LRCH4: variants seen among roughly 807,000 people sequenced by gnomAD.
LRCH4 encodes leucine-rich repeat and calponin homology domain-containing protein 4.
Under a neutral mutation model 81.2 loss-of-function variants are expected in LRCH4, and 56 were observed. The ratio of observed to expected loss-of-function variants is 0.69; its 90% CI spans 0.56 to 0.86. LRCH4 has a LOEUF of 0.86. Ranked by LOEUF, LRCH4 falls within the 40% of genes least tolerant of loss-of-function variation. LRCH4 has a pLI of 0.00. For missense variants in LRCH4, 895 were observed against 922.8 expected (o/e 0.97, Z 0.39); for synonymous variants, 442 against 409.7 (o/e 1.08, Z -0.95).
chr7:100,577,445 GT>G lies in LRCH4; in HGVS notation c.1178+51del. 1 of 1,602,196 alleles carries G rather than the reference GT, an allele frequency of 6.2e-7. No individual in the cohort carries two copies. Among genetic ancestry groups the G allele is most frequent in the Non-Finnish European group, 8.5e-7 (1 of 1,179,744 alleles). On this transcript the variant is annotated intron_variant, in intron 10 of 17. Coordinates refer to ENST00000310300, the MANE Select transcript of LRCH4 (RefSeq NM_002319.5). This position sits in a 1 kb window ranked among gnomAD's most constrained non-coding sequence, Gnocchi z 6.7. ...GACCCCGGGGTCAGGGAAGGAGGCGGTTGGGGGGTGGGAGGATCGGGCAGTG... is the reference window on the plus strand; with the variant it reads ...GACCCCGGGGTCAGGGAAGGAGGCGGTGGGGGGTGGGAGGATCGGGCAGTG...
intron 14 of LRCH4, 167 bp downstream of exon 14, chr7:100,576,527 G>A (rs1055066868): frequency 5.9e-5 from 41 of 697,218 alleles, no homozygotes; most frequent in Non-Finnish European, 8.0e-5. Context: ...GCCTCCTAAA[G>A]TGCTGCGATT....
rs1205863410 is a variant in LRCH4 at position 100,582,906 on chromosome 7, C to T, written c.221-447G>A. Reference sequence around the variant, plus strand: ...CCCCTGGGGCAAACCACAGGGAGTGCCCATCCCTCCTCGGGGCCCTTCTTC... The same window carrying T: ...CCCCTGGGGCAAACCACAGGGAGTGTCCATCCCTCCTCGGGGCCCTTCTTC... On this transcript the variant is annotated intron_variant, in intron 1 of 17. Coordinates refer to ENST00000310300, the MANE Select transcript of LRCH4 (RefSeq NM_002319.5). The surrounding 1 kb of genome is among the most constrained non-coding windows in gnomAD (Gnocchi z 5.0). Among the ~76,000 whole-genome samples the T allele has an allele frequency of 6.6e-6, 1 of 152,150 alleles. No individual in the cohort carries two copies. Among genetic ancestry groups the T allele is most frequent in the African/African-American group, 2.4e-5 (1 of 41,434 alleles).
chr7:100,583,940 G>C lies in LRCH4; in HGVS notation c.221-1481C>G, dbSNP rs982846048. The C allele has an allele frequency of 2.4e-5, 8 of 327,388 alleles. No homozygotes were observed. The Admixed American group carries it at 3.1e-4, about 13-fold the overall frequency. The allele number at this position is 327,388 out of a possible 1,614,324, so 20.3% of individuals were successfully genotyped here. A position where few individuals can be genotyped will look rare whatever the true frequency, so the allele number is the denominator to read the frequency against. Reference sequence around the variant, plus strand: ...GAGCTCAGGCAGGAGGCAGGGCACTGGGGGCACAGGATGTGGTCTGGGAGA... The same window carrying C: ...GAGCTCAGGCAGGAGGCAGGGCACTCGGGGCACAGGATGTGGTCTGGGAGA... On this transcript the variant is annotated intron_variant, in intron 1 of 17. Transcript: ENST00000310300. The surrounding 1 kb of genome is among the most constrained non-coding windows in gnomAD (Gnocchi z 4.3).
chr7:100,576,704 C>G lies in LRCH4; in HGVS notation c.1542G>C (p.Gln514His), dbSNP rs1402880838. The change falls in exon 14 of 18, where the codon CAG becomes CAC. Residue 514 changes from glutamine to histidine, a missense_variant. Around this residue, in one of 3 missense-constraint regions of LRCH4, gnomAD observed 529 missense variants for 504.9 expected, o/e 1.05. Coordinates refer to ENST00000310300, the MANE Select transcript of LRCH4 (RefSeq NM_002319.5). ...GGGCAGGACACCCACCTGAGCCACT[C>G]TGAGAGGAGGAACGGAAGAGGAAGC... ...PNSFLFRSSSQSGSGPSSPDS... is the reference protein window; with the variant it reads ...PNSFLFRSSSHSGSGPSSPDS... The G allele has an allele frequency of 1.3e-6, 2 of 1,591,306 alleles. No homozygotes were observed. Among genetic ancestry groups the G allele is most frequent in the Non-Finnish European group, 1.7e-6 (2 of 1,168,776 alleles).
chr7:100,581,923 GC>G, intron 3 of LRCH4, 41 bp from the exon 4 acceptor site: 1 of 1,611,712 alleles, frequency 6.2e-7, no homozygotes, highest in Non-Finnish European at 8.5e-7. Context: ...ATGAGACCAG[GC>G]CCAGCAGAAC....
Position 100,577,190 on chromosome 7 carries a change from G to A in LRCH4, c.1296-36C>T. 6.2e-7 allele frequency: 1 copy of A among 1,612,942 alleles called. No individual in the cohort carries two copies. Among genetic ancestry groups the A allele is most frequent in the Non-Finnish European group, 8.5e-7 (1 of 1,179,958 alleles). On this transcript the variant is annotated intron_variant, in intron 11 of 17. Transcript: ENST00000310300. The surrounding 1 kb of genome is among the most constrained non-coding windows in gnomAD (Gnocchi z 6.7). ...GAGAGGTGGGGTCAGCTAGCCCCAA[G>A]GCAGAACGGCTCAGCGGGGCTCGGT...
At chr7:100,576,551 A>C (rs1010745409) in intron 14 of LRCH4, 143 bp downstream of exon 14, 1 of 765,590 alleles carries the variant, frequency 1.3e-6, no homozygotes, top group Non-Finnish European at 2.1e-6. Flanking sequence ...GGTGTGAGCC[A>C]CCACACCCGG....
chr7:100,575,454 G>T lies in LRCH4; in HGVS notation c.1855-150C>A. ...GGGCAGGGGGAGTGCAGTGCAGGAG[G>T]AGTGCAGGGCAGGGCATGTGCAGGA... On this transcript the variant is annotated intron_variant, in intron 17 of 17. Coordinates refer to ENST00000310300, the MANE Select transcript of LRCH4 (RefSeq NM_002319.5). This position sits in a 1 kb window ranked among gnomAD's most constrained non-coding sequence, Gnocchi z 5.3. 1.2e-6 allele frequency: 1 copy of T among 858,138 alleles called. No homozygotes were observed. The highest frequency in any genetic ancestry group is 1.4e-5 in the South Asian group (1 of 70,720). 53.2% of individuals were successfully genotyped at this position (858,138 alleles called of 1,614,324 possible).
chr7:100,585,757 C>T (rs1464803420), intron 1 of LRCH4, 124 bp downstream of exon 1: 1 of 1,026,564 alleles, frequency 9.7e-7, no homozygotes, highest in Non-Finnish European at 1.4e-6. Context: ...TTAGGGCAAT[C>T]AGGAGGGGCA....
Position 100,577,009 on chromosome 7 carries a change from A to C in LRCH4, c.1365-4T>G. On this transcript the variant is annotated splice_region_variant and splice_polypyrimidine_tract_variant and intron_variant, in intron 12 of 17. Transcript: ENST00000310300. This position sits in a 1 kb window ranked among gnomAD's most constrained non-coding sequence, Gnocchi z 6.7. ...GGCACTGGACTTAGGCGAGCCGCTG[A>C]GGAGAGACAGAAGGGAATTAGAGGG... 4 of 1,613,356 alleles carry C rather than the reference A, an allele frequency of 2.5e-6. No homozygotes were observed. The highest frequency in any genetic ancestry group is 3.4e-6 in the Non-Finnish European group (4 of 1,179,438).
chr7:100,581,142 G>A (rs112759041), intron 4 of LRCH4, among the ~76,000 whole-genome samples: 1 of 152,206 alleles, frequency 6.6e-6, no homozygotes, highest in Non-Finnish European at 1.5e-5. Context: ...GGCCCCTTCT[G>A]ACCTTGCCAG....
chr7:100,585,921 G>C lies in LRCH4; in HGVS notation c.180C>G (p.Gly60=), dbSNP rs763558065. Residue 60 remains glycine, a synonymous_variant, in exon 1 of 18, where the codon GGC becomes GGG. Coordinates refer to ENST00000310300, the MANE Select transcript of LRCH4 (RefSeq NM_002319.5). ...CTGACAGGTCGTAGCTACGGGCCGC[G>C]CCCCGGGGGAAGTGCTTCAAGCGCC... ...SNRRLKHFPR[G]AARSYDLSDI... 14 of 1,611,358 alleles carry C rather than the reference G, an allele frequency of 8.7e-6. No homozygotes were observed. Among genetic ancestry groups the C allele is most frequent in the Non-Finnish European group, 1.2e-5 (14 of 1,178,730 alleles).
intron 1 of LRCH4, chr7:100,584,903 C>T (rs1801677981): frequency 1.0e-5 from 4 of 391,058 alleles, no homozygotes; most frequent in Non-Finnish European, 5.2e-6. Flanking sequence ...ATGCAGTCCT[C>T]CTCCCTGATC....
Position 100,575,490 on chromosome 7 carries a change from G to A in LRCH4, c.1855-186C>T. 1 of 826,050 alleles carries A rather than the reference G, an allele frequency of 1.2e-6. No homozygotes were observed. The highest frequency in any genetic ancestry group is 2.0e-6 in the Non-Finnish European group (1 of 490,202). The allele number at this position is 826,050 out of a possible 1,614,324, so 51.2% of individuals were successfully genotyped here. A position where few individuals can be genotyped will look rare whatever the true frequency, so the allele number is the denominator to read the frequency against. On this transcript the variant is annotated intron_variant, in intron 17 of 17. Transcript: ENST00000310300. This position sits in a 1 kb window ranked among gnomAD's most constrained non-coding sequence, Gnocchi z 5.3. ...AGGGCATGTGCAGGACAGGTGACAT[G>A]CAGGACAAGATGGGGCCTGCAGGGC...
Position 100,578,769 on chromosome 7 carries a change from G to C in LRCH4, c.616C>G (p.Leu206Val). ...TLPEELGDLP[L>V]VRLDFSCNRV... ...TTACAGGAGAAATCCAGGCGGACCA[G>C]AGGGAGGTCCCCCAGCTCTGGAACA... Residue 206 changes from leucine (L) to valine (V), a missense_variant, in exon 5 of 18, where the codon CTG becomes GTG. Leu to Val is a conservative substitution (Grantham distance 32). Transcript: ENST00000310300. This position sits in a 1 kb window ranked among gnomAD's most constrained non-coding sequence, Gnocchi z 5.7. The C allele has an allele frequency of 6.2e-7, 1 of 1,613,664 alleles. No homozygotes were observed. The highest frequency in any genetic ancestry group is 8.5e-7 in the Non-Finnish European group (1 of 1,179,994).
At position 100,582,283 on chromosome 7, in the gene LRCH4, G is replaced by C; in HGVS notation, c.365+32C>G. 1 of 1,613,924 alleles carries C rather than the reference G, an allele frequency of 6.2e-7. No individual in the cohort carries two copies. Among genetic ancestry groups the C allele is most frequent in the Non-Finnish European group, 8.5e-7 (1 of 1,179,992 alleles). On this transcript the variant is annotated intron_variant, in intron 2 of 17. Coordinates refer to ENST00000310300, the MANE Select transcript of LRCH4 (RefSeq NM_002319.5). This position sits in a 1 kb window ranked among gnomAD's most constrained non-coding sequence, Gnocchi z 5.0. Reference sequence around the variant, plus strand: ...TAGTACTTGAGACTGAGAAGCACACGCTCCCACGTGGCCCTGGCTCGGCCT... The same window carrying C: ...TAGTACTTGAGACTGAGAAGCACACCCTCCCACGTGGCCCTGGCTCGGCCT...
Position 100,577,508 on chromosome 7 carries a change from T to C in LRCH4, c.1167A>G (p.Ala389=), listed in dbSNP as rs766502789. 6.2e-7 allele frequency: 1 copy of C among 1,609,244 alleles called. No homozygotes were observed. Among genetic ancestry groups the C allele is most frequent in the Non-Finnish European group, 8.5e-7 (1 of 1,179,922 alleles). The change falls in exon 10 of 18, where the codon GCA becomes GCG. Residue 389 remains alanine (A), a synonymous_variant. Transcript: ENST00000310300. The surrounding 1 kb of genome is among the most constrained non-coding windows in gnomAD (Gnocchi z 6.7). ...GGGGCTTGGGGTACCTGCTGCTTGGTGCCCTCTCCCTGTCCCCTGCCCCAG... is the reference window on the plus strand; with the variant it reads ...GGGGCTTGGGGTACCTGCTGCTTGGCGCCCTCTCCCTGTCCCCTGCCCCAG... The part of the protein sequence containing the change: ...LSPGAGDRER[A]PSSRREEPAG...
rs990753684 is a variant in LRCH4, at chr7:100,583,010, G to A, written c.221-551C>T. The stretch of plus-strand genomic sequence containing the variant: ...TTCTAGAGATAAAGTCCCCGACACC[G>A]GACGAGTTTTTCGCCAGCCCCAAGG... On this transcript the variant is annotated intron_variant, in intron 1 of 17. Coordinates refer to ENST00000310300, the MANE Select transcript of LRCH4 (RefSeq NM_002319.5). The surrounding 1 kb of genome is among the most constrained non-coding windows in gnomAD (Gnocchi z 4.3). 1.3e-5 allele frequency among the ~76,000 whole-genome samples: 2 copies of A among 152,168 alleles called. No homozygotes were observed. The highest frequency in any genetic ancestry group is 2.4e-5 in the African/African-American group (1 of 41,424).
intron 4 of LRCH4, chr7:100,580,554 C>T (rs35061193): frequency 0.51 from 77,543 of 151,568 alleles, 20,376 homozygotes; most frequent in Middle Eastern, 0.64. Flanking sequence ...AACACACACC[C>T]AAACACACAC....
Sources: gnomAD v4.1 joint callset for allele counts (sites outside exome capture counted in the v4.1 genomes callset) on GRCh38, gnomAD v4.1.1 for gene constraint, gnomAD v4.1.1 regional missense constraint, Gnocchi (gnomAD v3.1) non-coding constraint, MANE v1.5 for transcripts, NCBI Gene and HGNC (gene_info 2026-07-23, HGNC 2026-07-21) for gene names.